The following KIAA0319L variants were observed in gnomAD, a reference collection of about 807,000 sequenced individuals.
KIAA0319L encodes the protein KIAA0319 like, also known as dyslexia-associated protein KIAA0319-like protein.
KIAA0319L carries 55 observed loss-of-function variants against 120.1 expected under a neutral mutation model. That is an observed-to-expected ratio of 0.46 (90% CI 0.37 to 0.57). The LOEUF is 0.57. KIAA0319L is among the 20% of genes least tolerant of loss of function. KIAA0319L has a pLI of 0.00. For synonymous variants in KIAA0319L, 398 were observed against 471.9 expected (o/e 0.84, Z 2.03); for missense variants, 1,049 against 1,255.3 (o/e 0.84, Z 2.48).
chr1:35,467,602 T>C (rs1264887891), intron 6 of KIAA0319L, among the ~76,000 whole-genome samples: 2 of 152,198 alleles, frequency 1.3e-5, no homozygotes, highest in Admixed American at 1.3e-4. Flanking sequence ...TTCAAAGTTC[T>C]AGCTAAAATC....
chr1:35,454,506 G>A, intron 10 of KIAA0319L, 21 bp from the exon 11 acceptor site: 1 of 1,610,436 alleles, frequency 6.2e-7, no homozygotes, highest in Non-Finnish European at 8.5e-7. Flanking sequence ...AAATACAGAA[G>A]TGGAAAAGTG....
rs1643288416 is a variant in KIAA0319L, at chr1:35,466,713, G to A, written c.1114-18C>T. The A allele has an allele frequency of 6.6e-7, 1 of 1,509,996 alleles. No individual in the cohort carries two copies. Among genetic ancestry groups the A allele is most frequent in the East Asian group, 2.3e-5 (1 of 44,350 alleles). 93.5% of individuals were successfully genotyped at this position (1,509,996 alleles called of 1,614,324 possible). The stretch of plus-strand genomic sequence containing the variant: ...GGAGTGAGCTGCAGAAGTGAGAGAA[G>A]ATCTCTTAGACAATCACAAAGAGCA... On this transcript the variant is annotated intron_variant, in intron 6 of 20. Transcript: ENST00000325722.
Position 35,441,251 on chromosome 1 carries a change from G to A in KIAA0319L, c.2871-113C>T, listed in dbSNP as rs1027476045. 8.5e-6 allele frequency: 7 copies of A among 826,662 alleles called. No homozygotes were observed. In the Admixed American group the frequency reaches 1.0e-4, roughly 12 times the overall value. The allele number at this position is 826,662 out of a possible 1,614,324, so 51.2% of individuals were successfully genotyped here. A position where few individuals can be genotyped will look rare whatever the true frequency, so the allele number is the denominator to read the frequency against. ...TTTGGTGGGGCACCTACTGAGAGGG[G>A]TGTCCTCTCCTCACTTCTCAGCCAG... On this transcript the variant is annotated intron_variant, in intron 19 of 20. Coordinates refer to ENST00000325722, the MANE Select transcript of KIAA0319L (RefSeq NM_024874.5).
chr1:35,468,027 G>C (rs1643383505), intron 6 of KIAA0319L, among the ~76,000 whole-genome samples: 2 of 152,040 alleles, frequency 1.3e-5, no homozygotes, highest in Non-Finnish European at 2.9e-5. Flanking sequence ...CCACAAAGCA[G>C]TATATGAACA....
Position 35,478,978 on chromosome 1 carries a change from C to G in KIAA0319L, c.901G>C (p.Ala301Pro), listed in dbSNP as rs774197191. 2 of 1,614,058 alleles carry G rather than the reference C, an allele frequency of 1.2e-6. No homozygotes were observed. Among genetic ancestry groups the G allele is most frequent in the Non-Finnish European group, 1.7e-6 (2 of 1,179,984 alleles). Residue 301 changes from alanine (A) to proline (P), a missense_variant, in exon 4 of 21, where the codon GCA (alanine) becomes CCA (proline). Physicochemically the swap from Ala to Pro is conservative, Grantham distance 27. Transcript: ENST00000325722. ...TPQASFQSTSAPYPVIKELVV... is the reference protein window; with the variant it reads ...TPQASFQSTSPPYPVIKELVV... ...CAAAGGTCCTTACCTGGGTATGGTG[C>G]TGAGGTGCTCTGGAAAGAGGCCTGG...
intron 9 of KIAA0319L, among the ~76,000 whole-genome samples, chr1:35,458,862 T>C (rs976469145): frequency 2.0e-5 from 3 of 152,158 alleles, no homozygotes; most frequent in African/African-American, 7.2e-5. Flanking sequence ...CCAGCTCAAA[T>C]GTCCATTTTA....
At chr1:35,441,796 G>T (rs553273975) in intron 19 of KIAA0319L, among the ~76,000 whole-genome samples, 1 of 152,028 alleles carries the variant, frequency 6.6e-6, no homozygotes, top group African/African-American at 2.4e-5. Flanking sequence ...AACACAGGAC[G>T]CCTGAGCCTG....
intron 11 of KIAA0319L, among the ~76,000 whole-genome samples, chr1:35,454,023 C>T (rs184293091): frequency 6.6e-6 from 1 of 152,218 alleles, no homozygotes; most frequent in East Asian, 1.9e-4. Context: ...CCTTCAAGGA[C>T]GTGGTATTGG....
intron 10 of KIAA0319L, among the ~76,000 whole-genome samples, chr1:35,455,037 T>C (rs994816551): frequency 2.9e-4 from 44 of 152,266 alleles, no homozygotes; most frequent in African/African-American, 1.1e-3. Context: ...AGGGAGGCCT[T>C]AAAACTGAGA....
chr1:35,476,338 T>C (rs1186737496), intron 4 of KIAA0319L, among the ~76,000 whole-genome samples: 6 of 152,212 alleles, frequency 3.9e-5, no homozygotes, highest in African/African-American at 9.6e-5. Context: ...CCACCGATTA[T>C]ATAAATCTTA....
intron 6 of KIAA0319L, among the ~76,000 whole-genome samples, chr1:35,470,492 C>CAAAAAAAAAAA (rs34215571): frequency 1.4e-5 from 1 of 73,434 alleles, no homozygotes; most frequent in African/African-American, 5.4e-5. Context: ...GACCCTGTCT[C>CAAAAAAAAAAA]AAAAAAAAAA....
chr1:35,435,429 A>G (rs1640710463), intron 20 of KIAA0319L: 1 of 197,878 alleles, frequency 5.1e-6, no homozygotes, highest in Admixed American at 5.8e-5. Flanking sequence ...TATGGGTGGA[A>G]TGACATGGTA....
intron 2 of KIAA0319L, among the ~76,000 whole-genome samples, chr1:35,536,527 T>C (rs561697758): frequency 6.6e-6 from 1 of 152,300 alleles, no homozygotes; most frequent in East Asian, 1.9e-4. Flanking sequence ...TTGTCCTGAG[T>C]AATGATGAAA....
chr1:35,461,298 C>T (rs1642872582), intron 8 of KIAA0319L, among the ~76,000 whole-genome samples: 1 of 152,130 alleles, frequency 6.6e-6, no homozygotes. Flanking sequence ...CAAACCCCGT[C>T]TCTATTAAAA....
chr1:35,555,253 C>T (rs1261193321), intron 1 of KIAA0319L, among the ~76,000 whole-genome samples: 2 of 152,138 alleles, frequency 1.3e-5, no homozygotes, highest in Non-Finnish European at 2.9e-5. Flanking sequence ...TAAATATTGG[C>T]AACATTATGA....
Position 35,513,267 on chromosome 1 carries a change from C to CATATATAT in KIAA0319L, c.143-6140_143-6133dup, listed in dbSNP as rs1189085625. ...ATATATATAAATCATATCTATATAA[C>CATATATAT]ATATATATATATATATATATATTTT... is the stretch of plus-strand genomic sequence containing the variant. On this transcript the variant is annotated intron_variant, in intron 2 of 20. Transcript: ENST00000325722. Among the ~76,000 whole-genome samples the CATATATAT allele has an allele frequency of 3.2e-4, 34 of 107,442 alleles. 1 individual carries two copies. The highest frequency in any genetic ancestry group is 2.3e-3 in the East Asian group (8 of 3,554). The allele number at this position is 107,442 out of a possible 152,430, so 70.5% of individuals were successfully genotyped here. A position where few individuals can be genotyped will look rare whatever the true frequency, so the allele number is the denominator to read the frequency against.
intron 2 of KIAA0319L, among the ~76,000 whole-genome samples, chr1:35,514,376 A>C (rs1406580267): frequency 2.0e-5 from 3 of 150,394 alleles, no homozygotes; most frequent in Non-Finnish European, 4.4e-5. Context: ...AAAAAAAAAA[A>C]CAAAACTTAC....
At chr1:35,470,999 C>G in intron 5 of KIAA0319L, 39 bp from the exon 6 acceptor site, 1 of 1,143,974 alleles carries the variant, frequency 8.7e-7, no homozygotes, top group Non-Finnish European at 1.3e-6. Context: ...AAAACACACA[C>G]CAACACACAA....
At chr1:35,440,989 G>A in intron 20 of KIAA0319L, 58 bp downstream of exon 20, 2 of 1,328,544 alleles carry the variant, frequency 1.5e-6, no homozygotes, top group Non-Finnish European at 2.2e-6. Flanking sequence ...GCTAGTGACA[G>A]CAGCCTTCCA....
Sources: gnomAD v4.1 joint callset for allele counts (sites outside exome capture counted in the v4.1 genomes callset) on GRCh38, gnomAD v4.1.1 for gene constraint, MANE v1.5 for transcripts, NCBI Gene and HGNC (gene_info 2026-07-23, HGNC 2026-07-21) for gene names.